EIF4G3: variants seen among roughly 807,000 people sequenced by gnomAD.
EIF4G3 encodes eIF-4-gamma 3.
A neutral mutation model predicts 186.4 loss-of-function variants in EIF4G3; 34 were observed. The ratio of observed to expected loss-of-function variants is 0.18; its 90% CI spans 0.14 to 0.24. EIF4G3 has a LOEUF of 0.24. Among genes scored for constraint, EIF4G3 ranks in the 10% least tolerant of loss-of-function variants. The pLI is 1.00. For missense variants in EIF4G3, 1,536 were observed against 1,948.5 expected, an observed-to-expected ratio of 0.79 and a Z score of 3.99; for synonymous variants, 673 against 679.5, an observed-to-expected ratio of 0.99 and a Z score of 0.15.
chr1:20,992,530 C>T (rs751440828), intron 7 of EIF4G3, among the ~76,000 whole-genome samples: 6 of 152,166 alleles, frequency 3.9e-5, no homozygotes, highest in Non-Finnish European at 8.8e-5. Context: ...CTTTATGGCA[C>T]ATACTCCTCC....
intron 3 of EIF4G3, among the ~76,000 whole-genome samples, chr1:21,086,946 A>G (rs115201781): frequency 1.4e-5 from 2 of 143,578 alleles, no homozygotes; most frequent in Non-Finnish European, 3.2e-5. Flanking sequence ...CTCAAAAAAA[A>G]AAAAAAAGAA....
intron 2 of EIF4G3, among the ~76,000 whole-genome samples, chr1:21,109,837 T>G (rs569067268): frequency 6.6e-6 from 1 of 152,330 alleles, no homozygotes; most frequent in East Asian, 1.9e-4. Context: ...CAGGCTGCAG[T>G]GCAGTGGTAT....
intron 20 of EIF4G3, among the ~76,000 whole-genome samples, chr1:20,868,009 G>T (rs1029796566): frequency 6.6e-6 from 1 of 151,652 alleles, no homozygotes; most frequent in African/African-American, 2.4e-5. Context: ...TACCCTCTGG[G>T]GATGGTTAAC....
At chr1:21,041,597 GA>G in intron 4 of EIF4G3, among the ~76,000 whole-genome samples, 1 of 152,186 alleles carries the variant, frequency 6.6e-6, no homozygotes, top group Admixed American at 6.5e-5. Context: ...GTAATAAACA[GA>G]ATTTTGAATA....
intron 4 of EIF4G3, among the ~76,000 whole-genome samples, chr1:21,022,226 G>T (rs1285652125): frequency 2.0e-5 from 3 of 152,136 alleles, no homozygotes; most frequent in Admixed American, 2.0e-4. Flanking sequence ...AAATAGTACT[G>T]GCTGACTATA....
At chr1:21,140,550 T>A (rs184981146) in intron 2 of EIF4G3, among the ~76,000 whole-genome samples, 49 of 152,336 alleles carry the variant, frequency 3.2e-4, no homozygotes, top group Admixed American at 2.9e-3. Flanking sequence ...CCTCATTTGA[T>A]CCGCCTGCCT....
chr1:20,859,597 A>AC (rs1557956272), intron 24 of EIF4G3, among the ~76,000 whole-genome samples: 2 of 152,008 alleles, frequency 1.3e-5, no homozygotes, highest in South Asian at 2.1e-4. Context: ...GCATGTCTCT[A>AC]TTTTTGTTTT....
intron 13 of EIF4G3, among the ~76,000 whole-genome samples, chr1:20,947,224 G>A (rs1336467517): frequency 1.3e-5 from 2 of 151,986 alleles, no homozygotes; most frequent in Non-Finnish European, 2.9e-5. Flanking sequence ...CATGCCTGTA[G>A]CTCCAGCTAC....
At chr1:20,949,157 C>T (rs1336920223) in intron 13 of EIF4G3, among the ~76,000 whole-genome samples, 1 of 152,052 alleles carries the variant, frequency 6.6e-6, no homozygotes, top group Non-Finnish European at 1.5e-5. Context: ...TTACTTGCTT[C>T]CCCGAACTAT....
chr1:21,026,123 A>T (rs2092046360), intron 4 of EIF4G3, among the ~76,000 whole-genome samples: 1 of 152,236 alleles, frequency 6.6e-6, no homozygotes, highest in Admixed American at 6.5e-5. Flanking sequence ...AAAAAGCTGG[A>T]GGCCTCACAA....
chr1:20,980,351 TC>T lies in EIF4G3; in HGVS notation c.475del (p.Asp159ThrfsTer23). Reference protein sequence around the residue: ...GPFYPGPGPGDFPNAYGTPFY... With the variant: ...GPFYPGPGPGXFPNAYGTPFY... ...CTACTTACCATAAGCATTGGGGAAG[TC>T]CCCAGGTCCTGGTCCAGGATAAAAA... On this transcript the variant is annotated frameshift_variant, in exon 10 of 37. Coordinates refer to ENST00000602326, the MANE Select transcript of EIF4G3 (RefSeq NM_001391906.1). LOFTEE classifies it high-confidence loss of function. 1 of 1,549,748 alleles carries T rather than the reference TC, an allele frequency of 6.5e-7. No homozygotes were observed. Among genetic ancestry groups the T allele is most frequent in the Non-Finnish European group, 8.6e-7 (1 of 1,159,094 alleles).
Position 20,904,906 on chromosome 1 carries a change from C to T in EIF4G3, c.1729G>A (p.Glu577Lys), listed in dbSNP as rs768152444. The T allele has an allele frequency of 1.2e-6, 2 of 1,613,962 alleles. No homozygotes were observed. The highest frequency in any genetic ancestry group is 1.3e-5 in the African/African-American group (1 of 75,048). Residue 577 changes from glutamate (E) to lysine (K), a missense_variant, in exon 15 of 37, where the codon GAG becomes AAG. This residue lies in a region of EIF4G3 where 560 missense variants were observed against 547.8 expected (regional missense o/e 1.02). Coordinates refer to ENST00000602326, the MANE Select transcript of EIF4G3 (RefSeq NM_001391906.1). ...ACCTCCAATTCTGCCTCTAACATCT[C>T]TTCAGTGGTTCGGGTCCGATCTTTT... is the stretch of plus-strand genomic sequence containing the variant. ...KPKDRTRTTE[E>K]MLEAELELKA...
intron 2 of EIF4G3, among the ~76,000 whole-genome samples, chr1:21,147,236 T>C (rs996093163): frequency 6.6e-6 from 1 of 151,820 alleles, no homozygotes; most frequent in Non-Finnish European, 1.5e-5. Flanking sequence ...CACTCCAGCC[T>C]GGAGACAGAG....
chr1:20,853,953 G>T (rs2074111624), intron 26 of EIF4G3, among the ~76,000 whole-genome samples: 2 of 152,164 alleles, frequency 1.3e-5, no homozygotes, highest in Non-Finnish European at 2.9e-5. Context: ...AGGAAGGCAA[G>T]CGAAAACAGA....
At chr1:21,138,820 GAAAA>G (rs201434543) in intron 2 of EIF4G3, among the ~76,000 whole-genome samples, 1 of 151,554 alleles carries the variant, frequency 6.6e-6, no homozygotes, top group Non-Finnish European at 1.5e-5. Flanking sequence ...AAAAAATAAA[GAAAA>G]AAAATCACTT....
intron 13 of EIF4G3, among the ~76,000 whole-genome samples, chr1:20,947,484 T>C (rs1272300654): frequency 6.7e-6 from 1 of 148,578 alleles, no homozygotes; most frequent in Non-Finnish European, 1.5e-5. Context: ...ATTTTAGCTA[T>C]CGGCAGGCTA....
intron 3 of EIF4G3, among the ~76,000 whole-genome samples, chr1:21,052,557 T>TCCTCTCCCTCTC (rs377421968): frequency 8.6e-5 from 13 of 151,364 alleles, no homozygotes; most frequent in Admixed American, 5.3e-4. Context: ...TCCCTCTCCC[T>TCCTCTCCCTCTC]CCTCTCCCTC....
intron 13 of EIF4G3, among the ~76,000 whole-genome samples, chr1:20,945,705 T>G (rs2095911873): frequency 4.6e-5 from 7 of 152,134 alleles, no homozygotes; most frequent in Admixed American, 4.6e-4. Context: ...GCTCAAGCAA[T>G]CCTCCTGCCT....
intron 12 of EIF4G3, 112 bp from the exon 13 acceptor site, chr1:20,950,223 A>T (rs1052057212): frequency 6.2e-6 from 4 of 646,352 alleles, no homozygotes; most frequent in East Asian, 3.4e-5. Context: ...TCACAAAATT[A>T]AAAAAGGAAA....
Sources: gnomAD v4.1 joint callset for allele counts (sites outside exome capture counted in the v4.1 genomes callset) on GRCh38, gnomAD v4.1.1 for gene constraint, gnomAD v4.1.1 regional missense constraint, MANE v1.5 for transcripts, NCBI Gene and HGNC (gene_info 2026-07-23, HGNC 2026-07-21) for gene names.